BRINP3: variants seen among roughly 807,000 people sequenced by gnomAD.
BRINP3 encodes BMP/retinoic acid-inducible neural-specific protein 3.
A neutral mutation model predicts 71.0 loss-of-function variants in BRINP3; 19 were observed. The observed-to-expected ratio is 0.27, with a 90% CI of 0.19 to 0.39. The LOEUF (loss-of-function observed/expected upper bound fraction) is 0.39. Among genes scored for constraint, BRINP3 ranks in the 10% least tolerant of loss-of-function variants. The pLI, the probability that BRINP3 is intolerant of heterozygous loss-of-function variation, is 1.00. For synonymous variants in BRINP3, 380 were observed against 337.7 expected, an observed-to-expected ratio of 1.13 and a Z score of -1.37; for missense variants, 959 against 940.8, an observed-to-expected ratio of 1.02 and a Z score of -0.25.
intron 7 of BRINP3, among the ~76,000 whole-genome samples, chr1:190,111,425 A>G (rs1170089648): frequency 6.6e-6 from 1 of 152,072 alleles, no homozygotes; most frequent in African/African-American, 2.4e-5. Flanking sequence ...TAATTATGTA[A>G]TTTAAGAGTG....
chr1:190,101,104 A>G (rs1651662295), intron 7 of BRINP3, among the ~76,000 whole-genome samples: 1 of 152,166 alleles, frequency 6.6e-6, no homozygotes, highest in African/African-American at 2.4e-5. Flanking sequence ...TTGACTTTCC[A>G]GACTCCAGAA....
At chr1:190,230,964 A>C (rs1269435182) in intron 5 of BRINP3, among the ~76,000 whole-genome samples, 1 of 151,480 alleles carries the variant, frequency 6.6e-6, no homozygotes, top group Non-Finnish European at 1.5e-5. Context: ...ATATTTACTG[A>C]AAATTTAAAT....
At chr1:190,198,600 C>T (rs185518410) in intron 6 of BRINP3, among the ~76,000 whole-genome samples, 52 of 152,216 alleles carry the variant, frequency 3.4e-4, no homozygotes, top group African/African-American at 1.2e-3. Flanking sequence ...CTGTCAAGTT[C>T]AAAGTTTCAC....
chr1:190,471,226 C>T (rs1677117865), intron 1 of BRINP3, among the ~76,000 whole-genome samples: 1 of 150,952 alleles, frequency 6.6e-6, no homozygotes, highest in Non-Finnish European at 1.5e-5. Flanking sequence ...AAGAACTTGG[C>T]CAGGACTTCC....
chr1:190,358,752 G>A (rs968690163), intron 2 of BRINP3, among the ~76,000 whole-genome samples: 9 of 152,040 alleles, frequency 5.9e-5, no homozygotes, highest in Non-Finnish European at 8.8e-5. Context: ...CAAAGACTTC[G>A]GACCAACCCA....
intron 2 of BRINP3, among the ~76,000 whole-genome samples, chr1:190,290,663 A>G (rs904494069): frequency 6.6e-6 from 1 of 152,092 alleles, no homozygotes; most frequent in African/African-American, 2.4e-5. Flanking sequence ...CTTGTTTCTA[A>G]GCGATCAACC....
At chr1:190,253,841 C>T (rs1232052751) in intron 4 of BRINP3, among the ~76,000 whole-genome samples, 2 of 152,092 alleles carry the variant, frequency 1.3e-5, no homozygotes, top group Non-Finnish European at 2.9e-5. Flanking sequence ...AGTCCTTGCC[C>T]ATGCCTATGT....
chr1:190,438,500 T>G (rs1278734237), intron 2 of BRINP3, among the ~76,000 whole-genome samples: 2 of 151,812 alleles, frequency 1.3e-5, no homozygotes, highest in Non-Finnish European at 3.0e-5. Context: ...TTGGGGAAAC[T>G]TATACTGTAG....
At chr1:190,197,848 A>C (rs1234631031) in intron 6 of BRINP3, among the ~76,000 whole-genome samples, 2 of 152,084 alleles carry the variant, frequency 1.3e-5, no homozygotes, top group Non-Finnish European at 2.9e-5. Flanking sequence ...TCACAGATTC[A>C]CTAGGCAGTT....
intron 4 of BRINP3, among the ~76,000 whole-genome samples, chr1:190,243,148 T>C (rs1659271023): frequency 6.6e-6 from 1 of 152,154 alleles, no homozygotes; most frequent in Non-Finnish European, 1.5e-5. Flanking sequence ...TTTCTAAGGT[T>C]CTTAAATTAT....
At position 190,301,210 on chromosome 1, in the gene BRINP3, T is replaced by TATACACACACATAC. The variant is rs1553283748; in HGVS notation, c.237-19461_237-19460insGTATGTGTGTGTAT. Among the ~76,000 whole-genome samples, 800 of 107,808 alleles carry TATACACACACATAC rather than the reference T, an allele frequency of 7.4e-3. 17 individuals carry two copies. Among genetic ancestry groups the TATACACACACATAC allele is most frequent in the Middle Eastern group, 0.024 (4 of 166 alleles). 70.7% of individuals were successfully genotyped at this position (107,808 alleles called of 152,430 possible). On this transcript the variant is annotated intron_variant, in intron 2 of 7. Transcript: ENST00000367462. ...ATGTATATATATACACATACATATATATATATATATATATATATATATATA... is the reference window on the plus strand; with the variant it reads ...ATGTATATATATACACATACATATATATACACACACATACATATATATATATATATATATATATA...
At chr1:190,161,393 A>C (rs1437346331) in intron 6 of BRINP3, among the ~76,000 whole-genome samples, 1 of 151,476 alleles carries the variant, frequency 6.6e-6, no homozygotes, top group African/African-American at 2.4e-5. Context: ...TTTAAATATA[A>C]AATTTTAGAT....
chr1:190,338,693 T>C lies in BRINP3; in HGVS notation c.237-56943A>G, dbSNP rs1457222733. Among the ~76,000 whole-genome samples the C allele has an allele frequency of 2.0e-5, 3 of 151,904 alleles. No homozygotes were observed. In the South Asian group the frequency reaches 6.2e-4, roughly 31 times the overall value. On this transcript the variant is annotated intron_variant, in intron 2 of 7. Transcript: ENST00000367462. Reference sequence around the variant, plus strand: ...CTGTAATAGTATTTTTTTTTCCTAGTGGGCTGTGTCTTGCTTACCTGTACT... The same window carrying C: ...CTGTAATAGTATTTTTTTTTCCTAGCGGGCTGTGTCTTGCTTACCTGTACT...
At chr1:190,303,057 T>G (rs1664848002) in intron 2 of BRINP3, among the ~76,000 whole-genome samples, 1 of 151,708 alleles carries the variant, frequency 6.6e-6, no homozygotes, top group Non-Finnish European at 1.5e-5. Flanking sequence ...AGGCCTTATT[T>G]TACACTTATA....
chr1:190,362,385 A>C (rs1051967867), intron 2 of BRINP3: 3 of 152,146 alleles, frequency 2.0e-5, no homozygotes, highest in African/African-American at 4.8e-5. Flanking sequence ...AAAAGAAAAC[A>C]TGTGTTTTGT....
At chr1:190,255,759 G>T (rs1180658875) in intron 4 of BRINP3, among the ~76,000 whole-genome samples, 2 of 151,760 alleles carry the variant, frequency 1.3e-5, no homozygotes, top group African/African-American at 4.8e-5. Flanking sequence ...TTTTTGAAGG[G>T]TTTTTTGGGT....
intron 7 of BRINP3, 74 bp downstream of exon 7, chr1:190,160,594 G>T: frequency 8.1e-7 from 1 of 1,231,128 alleles, no homozygotes; most frequent in South Asian, 1.4e-5. Context: ...TAACACACCT[G>T]CATTCAGAAA....
At chr1:190,376,214 T>C (rs908730437) in intron 2 of BRINP3, among the ~76,000 whole-genome samples, 4 of 151,980 alleles carry the variant, frequency 2.6e-5, no homozygotes, top group Admixed American at 6.6e-5. Context: ...ACAGGTTAAA[T>C]AGCTGATTAC....
At chr1:190,190,315 G>A (rs186105609) in intron 6 of BRINP3, among the ~76,000 whole-genome samples, 15 of 152,218 alleles carry the variant, frequency 9.9e-5, no homozygotes, top group Admixed American at 3.3e-4. Context: ...ACAGCCTCCC[G>A]TTTCACACAG....
Sources: gnomAD v4.1 joint callset for allele counts (sites outside exome capture counted in the v4.1 genomes callset) on GRCh38, gnomAD v4.1.1 for gene constraint, MANE v1.5 for transcripts, NCBI Gene and HGNC (gene_info 2026-07-23, HGNC 2026-07-21) for gene names.